CCSER2: variants seen among roughly 807,000 people sequenced by gnomAD.
The protein encoded by CCSER2 is coiled-coil serine rich protein 2.
In CCSER2, 46 loss-of-function variants were observed where a neutral mutation model predicts 92.3. That is an observed-to-expected ratio of 0.50 (90% CI 0.39 to 0.64). The LOEUF is 0.64. CCSER2 is among the 30% of genes least tolerant of loss of function. The pLI, the probability that CCSER2 is intolerant of heterozygous loss-of-function variation, is 0.00. For synonymous variants in CCSER2, 433 were observed against 431.4 expected (o/e 1.00, Z -0.04); for missense variants, 1,244 against 1,238.9 (o/e 1.00, Z -0.06).
chr10:84,505,778 G>A (rs1156935195), intron 9 of CCSER2, among the ~76,000 whole-genome samples: 1 of 152,014 alleles, frequency 6.6e-6, no homozygotes, highest in Non-Finnish European at 1.5e-5. Flanking sequence ...ACAAACGTAG[G>A]CATGGGTTAG....
chr10:84,495,502 C>T (rs539743920), intron 9 of CCSER2, among the ~76,000 whole-genome samples: 17 of 152,194 alleles, frequency 1.1e-4, no homozygotes, highest in African/African-American at 3.6e-4. Context: ...AGTTTTATGT[C>T]ATTGCTGATT....
At chr10:84,358,431 G>C (rs929714237) in intron 1 of CCSER2, among the ~76,000 whole-genome samples, 10 of 152,018 alleles carry the variant, frequency 6.6e-5, no homozygotes, top group Non-Finnish European at 1.3e-4. Context: ...TTTATAGAGT[G>C]GAATGATGGG....
intron 9 of CCSER2, among the ~76,000 whole-genome samples, chr10:84,509,827 A>G (rs931527357): frequency 5.9e-5 from 9 of 152,150 alleles, no homozygotes; most frequent in Admixed American, 4.6e-4. Flanking sequence ...TATGAAATCC[A>G]TCGATTAGCG....
chr10:84,394,614 G>A (rs375871183), intron 3 of CCSER2, among the ~76,000 whole-genome samples: 38 of 152,216 alleles, frequency 2.5e-4, no homozygotes, highest in African/African-American at 7.7e-4. Context: ...TGAGTATAGG[G>A]TATGGGGTAG....
At chr10:84,430,458 T>TA (rs1490072829) in intron 5 of CCSER2, among the ~76,000 whole-genome samples, 1 of 152,230 alleles carries the variant, frequency 6.6e-6, no homozygotes, top group Non-Finnish European at 1.5e-5. Context: ...GCTGAGATTT[T>TA]AAGCAGTGCA....
At chr10:84,341,581 C>T (rs1314587865) in intron 1 of CCSER2, among the ~76,000 whole-genome samples, 5 of 151,792 alleles carry the variant, frequency 3.3e-5, no homozygotes, top group African/African-American at 4.8e-5. Flanking sequence ...AGCTGGTTGC[C>T]CTATGATTTA....
intron 1 of CCSER2, among the ~76,000 whole-genome samples, chr10:84,362,458 G>A (rs535032248): frequency 2.0e-5 from 3 of 152,326 alleles, no homozygotes; most frequent in Admixed American, 6.5e-5. Context: ...AATTTGGAGG[G>A]AGAAATTTTT....
chr10:84,465,239 T>TTGTGTGTGTGTGTG (rs59254139), intron 7 of CCSER2, among the ~76,000 whole-genome samples: 3 of 106,872 alleles, frequency 2.8e-5, no homozygotes, highest in African/African-American at 9.6e-5. Context: ...TTTCCTGAAT[T>TTGTGTGTGTGTGTG]TGTGTGTGTG....
chr10:84,357,037 A>T (rs1845210492), intron 1 of CCSER2, among the ~76,000 whole-genome samples: 1 of 152,230 alleles, frequency 6.6e-6, no homozygotes, highest in African/African-American at 2.4e-5. Flanking sequence ...GAGGCAGCAG[A>T]TGATTGAAAG....
intron 2 of CCSER2, 96 bp from the exon 3 acceptor site, chr10:84,373,523 T>C (rs1287385707): frequency 3.1e-6 from 3 of 955,232 alleles, no homozygotes; most frequent in Non-Finnish European, 4.6e-6. Flanking sequence ...TGAGCCAGCT[T>C]TTTTGCTATG....
intron 3 of CCSER2, among the ~76,000 whole-genome samples, chr10:84,409,761 A>T (rs1842555700): frequency 6.6e-6 from 1 of 152,056 alleles, no homozygotes; most frequent in African/African-American, 2.4e-5. Flanking sequence ...TTTTTCTTCG[A>T]CTTTTATTTA....
At position 84,372,012 on chromosome 10, in the gene CCSER2, C is replaced by T. The variant is rs1245761789; in HGVS notation, c.960C>T (p.Pro320=). The change falls in exon 2 of 10, where the codon CCC becomes CCT. Residue 320 remains proline, a synonymous_variant. Transcript: ENST00000372088. ...CTTTAGGTTATAGAATGGTTCATCC[C>T]TCTCTACTGAAATCTAGCCGATCTC... ...TSTLGYRMVH[P]SLLKSSRSPF... The T allele has an allele frequency of 3.1e-6, 5 of 1,613,780 alleles. No individual in the cohort carries two copies. The highest frequency in any genetic ancestry group is 4.2e-6 in the Non-Finnish European group (5 of 1,179,782).
chr10:84,367,699 T>G (rs1022361911), intron 1 of CCSER2, among the ~76,000 whole-genome samples: 2 of 148,572 alleles, frequency 1.3e-5, no homozygotes, highest in African/African-American at 4.9e-5. Context: ...CTTTGCTTCT[T>G]TTCCTTGCTT....
At chr10:84,504,556 T>C (rs976054004) in intron 9 of CCSER2, among the ~76,000 whole-genome samples, 4 of 152,210 alleles carry the variant, frequency 2.6e-5, no homozygotes, top group Non-Finnish European at 5.9e-5. Context: ...TCCTTTTGGC[T>C]GGAGAATTGT....
chr10:84,502,521 G>A (rs1436586322), intron 9 of CCSER2, among the ~76,000 whole-genome samples: 1 of 152,000 alleles, frequency 6.6e-6, no homozygotes, highest in African/African-American at 2.4e-5. Flanking sequence ...ACAGGCGCCT[G>A]CCACTACGCC....
chr10:84,373,919 C>T (rs1042918510), intron 3 of CCSER2, 104 bp downstream of exon 3: 1 of 1,530,792 alleles, frequency 6.5e-7, no homozygotes. Flanking sequence ...AACTTTACTA[C>T]TTTGAGAAAT....
At chr10:84,393,661 T>C (rs979119709) in intron 3 of CCSER2, among the ~76,000 whole-genome samples, 6 of 152,250 alleles carry the variant, frequency 3.9e-5, no homozygotes, top group Non-Finnish European at 5.9e-5. Context: ...AGCTTTTCTG[T>C]TATTTTTCTC....
chr10:84,360,046 T>G, intron 1 of CCSER2, among the ~76,000 whole-genome samples: 1 of 152,164 alleles, frequency 6.6e-6, no homozygotes, highest in East Asian at 1.9e-4. Context: ...ACTCCTGACC[T>G]CAGGTGATCA....
chr10:84,336,149 G>A (rs999625023), intron 1 of CCSER2, among the ~76,000 whole-genome samples: 1 of 152,016 alleles, frequency 6.6e-6, no homozygotes, highest in Non-Finnish European at 1.5e-5. Context: ...GGCCTTTCTT[G>A]CAGTCATGTT....
Sources: gnomAD v4.1 joint callset for allele counts (sites outside exome capture counted in the v4.1 genomes callset) on GRCh38, gnomAD v4.1.1 for gene constraint, MANE v1.5 for transcripts, NCBI Gene and HGNC (gene_info 2026-07-23, HGNC 2026-07-21) for gene names.